BLVRA: variants seen among roughly 807,000 people sequenced by gnomAD.
BLVRA encodes the protein biliverdin reductase A, also known as BVR A.
Under a neutral mutation model 32.8 loss-of-function variants are expected in BLVRA, and 22 were observed. That is an observed-to-expected ratio of 0.67 (90% confidence interval 0.48 to 0.96). BLVRA has a LOEUF of 0.96. BLVRA is among the 40% of genes least tolerant of loss of function. BLVRA has a pLI of 0.00. For synonymous variants in BLVRA, 119 were observed against 141.3 expected (o/e 0.84, Z 1.12); for missense variants, 323 against 358.1 (o/e 0.90, Z 0.79).
rs768281870 is a variant in BLVRA at position 43,767,415 on chromosome 7, C to A, written c.-21-3723C>A. On this transcript the variant is annotated intron_variant, in intron 1 of 7. Transcript: ENST00000265523. ...CAGCTTTAATGATCACTGTTCCTAT[C>A]GGGTTATTTATATTTCACAACTAAA... 9.4e-6 allele frequency: 15 copies of A among 1,592,070 alleles called. No homozygotes were observed. The East Asian group carries it at 3.4e-4, about 36-fold the overall frequency.
At position 43,787,602 on chromosome 7, in the gene BLVRA, A is replaced by T. The variant is rs912403387; in HGVS notation, c.13-302A>T. Among the ~76,000 whole-genome samples, 1 of 152,140 alleles carries T rather than the reference A, an allele frequency of 6.6e-6. No individual in the cohort carries two copies. The highest frequency in any genetic ancestry group is 2.4e-5 in the African/African-American group (1 of 41,440). The stretch of plus-strand genomic sequence containing the variant: ...GGTTAATGGGGAAAGCTCCCTCATT[A>T]TTGGAGATGGGGCAGTAGAAGTGGA... On this transcript the variant is annotated intron_variant, in intron 2 of 7. Coordinates refer to ENST00000265523, the MANE Select transcript of BLVRA (RefSeq NM_000712.4). This position sits in a 1 kb window ranked among gnomAD's most constrained non-coding sequence, Gnocchi z 4.5.
intron 2 of BLVRA, among the ~76,000 whole-genome samples, chr7:43,782,176 T>A (rs1386205801): frequency 6.6e-6 from 1 of 152,242 alleles, no homozygotes; most frequent in Non-Finnish European, 1.5e-5. Context: ...GTTGACTAAA[T>A]GATAGGATGA....
chr7:43,793,431 T>G (rs932734161), intron 5 of BLVRA, among the ~76,000 whole-genome samples: 4 of 152,020 alleles, frequency 2.6e-5, no homozygotes, highest in Non-Finnish European at 5.9e-5. Flanking sequence ...AATCAAATCC[T>G]ACAGGGCTCT....
At chr7:43,772,899 G>A (rs1563538028) in intron 2 of BLVRA, among the ~76,000 whole-genome samples, 1 of 152,124 alleles carries the variant, frequency 6.6e-6, no homozygotes, top group Non-Finnish European at 1.5e-5. Flanking sequence ...TTTGGGTGGG[G>A]ACACAAAGTA....
At chr7:43,759,076 C>T (rs1383460089) in intron 1 of BLVRA, among the ~76,000 whole-genome samples, 1 of 152,224 alleles carries the variant, frequency 6.6e-6, no homozygotes, top group Non-Finnish European at 1.5e-5. Context: ...GTCCGCGTGC[C>T]GCGTAGTCCG....
intron 1 of BLVRA, among the ~76,000 whole-genome samples, 178 bp downstream of exon 1, chr7:43,758,912 C>G (rs868551986): frequency 2.5e-4 from 38 of 152,106 alleles, no homozygotes; most frequent in Middle Eastern, 6.8e-3. Context: ...CGCCCGGGCC[C>G]GGAGTGAGGA....
At chr7:43,795,496 T>C (rs2095790793) in intron 5 of BLVRA, among the ~76,000 whole-genome samples, 1 of 151,984 alleles carries the variant, frequency 6.6e-6, no homozygotes, top group Admixed American at 6.6e-5. Context: ...GCCTGGGCGA[T>C]GGAGTGAGAC....
intron 1 of BLVRA, among the ~76,000 whole-genome samples, chr7:43,763,592 C>T (rs1426556563): frequency 5.3e-5 from 8 of 152,222 alleles, no homozygotes; most frequent in African/African-American, 1.9e-4. Flanking sequence ...ATACTGCGCA[C>T]CCGTGGGCCA....
At chr7:43,788,663 G>T (rs564837486) in intron 3 of BLVRA, among the ~76,000 whole-genome samples, 1 of 152,078 alleles carries the variant, frequency 6.6e-6, no homozygotes, top group Admixed American at 6.5e-5. Context: ...AAGCTGCAGC[G>T]CAATGGTGCA....
intron 2 of BLVRA, among the ~76,000 whole-genome samples, chr7:43,780,888 T>C (rs972480491): frequency 7.9e-5 from 12 of 152,276 alleles, no homozygotes; most frequent in African/African-American, 2.9e-4. Context: ...GGCGCATGCC[T>C]GTAATCCCAA....
intron 6 of BLVRA, among the ~76,000 whole-genome samples, chr7:43,801,406 C>T (rs2095798540): frequency 6.6e-6 from 1 of 152,172 alleles, no homozygotes; most frequent in Non-Finnish European, 1.5e-5. Context: ...GCTCTTGTGG[C>T]CACTTTTGGA....
At position 43,770,670 on chromosome 7, in the gene BLVRA, G is replaced by A. The variant is rs17245841; in HGVS notation, c.-21-468G>A. On this transcript the variant is annotated intron_variant, in intron 1 of 7. Transcript: ENST00000265523. Reference sequence around the variant, plus strand: ...TTCGTCTTAATGCTGAGGGTCCGGAGCGGCTTCTTGGACTATTCTTTGAAC... The same window carrying A: ...TTCGTCTTAATGCTGAGGGTCCGGAACGGCTTCTTGGACTATTCTTTGAAC... Among the ~76,000 whole-genome samples the A allele has an allele frequency of 3.4e-3, 523 of 152,164 alleles. 5 individuals are homozygous for A. The highest frequency in any genetic ancestry group is 0.012 in the African/African-American group (501 of 41,506).
At chr7:43,795,334 G>A (rs2095790577) in intron 5 of BLVRA, among the ~76,000 whole-genome samples, 1 of 152,134 alleles carries the variant, frequency 6.6e-6, no homozygotes, top group Admixed American at 6.5e-5. Context: ...TAGCCAACAT[G>A]GTGAAACCCC....
At chr7:43,791,062 CCT>C (rs1299461569) in intron 3 of BLVRA, among the ~76,000 whole-genome samples, 185 bp from the exon 4 acceptor site, 2 of 152,152 alleles carry the variant, frequency 1.3e-5, no homozygotes, top group Non-Finnish European at 2.9e-5. Flanking sequence ...TGCCAGATCC[CCT>C]GACTTGAACT....
chr7:43,782,275 T>A (rs1010917046), intron 2 of BLVRA, among the ~76,000 whole-genome samples: 2 of 152,054 alleles, frequency 1.3e-5, no homozygotes, highest in Non-Finnish European at 1.5e-5. Context: ...ATGACAGAAA[T>A]TTTCAAGCAA....
Position 43,778,433 on chromosome 7 carries a change from G to GCAGCGGTGGCTGCAGTA in BLVRA, c.12+7276_12+7292dup, listed in dbSNP as rs552889531. ...CTCCAGACCGTTTGCCTGGGTATCA[G>GCAGCGGTGGCTGCAGTA]CAGCGGTGGCTGCAGTACAGCGGTG... is the stretch of plus-strand genomic sequence containing the variant. On this transcript the variant is annotated intron_variant, in intron 2 of 7. Transcript: ENST00000265523. 8.2e-4 allele frequency among the ~76,000 whole-genome samples: 125 copies of GCAGCGGTGGCTGCAGTA among 152,310 alleles called. 1 individual carries two copies. In the East Asian group the frequency reaches 0.02, roughly 24 times the overall value.
At chr7:43,764,510 A>AG in intron 1 of BLVRA, among the ~76,000 whole-genome samples, 1 of 152,294 alleles carries the variant, frequency 6.6e-6, no homozygotes, top group Middle Eastern at 3.4e-3. Flanking sequence ...AAAAGGTAGA[A>AG]GCTTTTGAAG....
At chr7:43,758,782 C>G (rs959096445) in intron 1 of BLVRA, 48 bp downstream of exon 1, 4 of 151,752 alleles carry the variant, frequency 2.6e-5, no homozygotes, top group African/African-American at 9.7e-5. Context: ...GAGCGGGGGT[C>G]GCGCGCGGCT....
At position 43,790,623 on chromosome 7, in the gene BLVRA, G is replaced by T. The variant is rs11982143; in HGVS notation, c.135-626G>T. ...TTTGGCCAAGTGCTTGGAACTGGAA[G>T]TGACCATAGAGATCACTTCTCATGA... On this transcript the variant is annotated intron_variant, in intron 3 of 7. Transcript: ENST00000265523. Among the ~76,000 whole-genome samples the T allele has an allele frequency of 7.1e-3, 1,084 of 152,284 alleles. 11 individuals are homozygous for T. Among genetic ancestry groups the T allele is most frequent in the African/African-American group, 0.025 (1,027 of 41,548 alleles).
Sources: allele counts gnomAD v4.1 joint callset (sites outside exome capture counted in the v4.1 genomes callset), GRCh38; gene constraint gnomAD v4.1.1; non-coding constraint Gnocchi (gnomAD v3.1); transcripts MANE v1.5; gene names NCBI Gene and HGNC (gene_info 2026-07-23, HGNC 2026-07-21).